The following MCF2L2 variants were observed in gnomAD, a reference collection of about 807,000 sequenced individuals.
MCF2L2 encodes probable guanine nucleotide exchange factor MCF2L2.
In MCF2L2, 102 loss-of-function variants were observed where a neutral mutation model predicts 150.2. That is an observed-to-expected ratio of 0.68 (90% CI 0.58 to 0.80). The LOEUF (loss-of-function observed/expected upper bound fraction) is 0.80, where lower values mean the gene tolerates loss of function less well. Ranked by LOEUF, MCF2L2 falls within the 30% of genes least tolerant of loss-of-function variation. The probability of loss-of-function intolerance (pLI) is 0.00; values close to 1 mark genes in which losing one functional copy is unlikely to be tolerated. For synonymous variants in MCF2L2, 465 were observed against 491.3 expected, an observed-to-expected ratio of 0.95 and a Z score of 0.71; for missense variants, 1,256 against 1,372.8, an observed-to-expected ratio of 0.91 and a Z score of 1.34.
At chr3:183,195,938 C>G (rs1722068550) in intron 25 of MCF2L2, among the ~76,000 whole-genome samples, 1 of 152,184 alleles carries the variant, frequency 6.6e-6, no homozygotes, top group Non-Finnish European at 1.5e-5. Flanking sequence ...AGGATGGGAC[C>G]GTGGCCTTGA....
At chr3:183,360,727 T>C (rs1712082267) in intron 3 of MCF2L2, among the ~76,000 whole-genome samples, 1 of 152,066 alleles carries the variant, frequency 6.6e-6, no homozygotes, top group Admixed American at 6.6e-5. Flanking sequence ...CCCAGCACTT[T>C]GGGAGGCTGA....
intron 13 of MCF2L2, among the ~76,000 whole-genome samples, chr3:183,292,052 T>C (rs770872054): frequency 6.6e-6 from 1 of 151,666 alleles, no homozygotes; most frequent in Non-Finnish European, 1.5e-5. Context: ...GTCTGTGGTA[T>C]GTGTGTGCAA....
rs1723080060 is a variant in MCF2L2 at position 183,219,850 on chromosome 3, G to A, written c.2370+6C>T. On this transcript the variant is annotated splice_donor_region_variant and intron_variant, in intron 21 of 29. Transcript: ENST00000328913. ...TATATAAAATGTAATATTTAATATT[G>A]AGTACCTTAGCCGAGCCTCCTAGTT... 6.3e-7 allele frequency: 1 copy of A among 1,591,952 alleles called. No homozygotes were observed. The highest frequency in any genetic ancestry group is 8.6e-7 in the Non-Finnish European group (1 of 1,160,202).
Position 183,206,155 on chromosome 3 carries a change from G to T in MCF2L2, c.2772C>A (p.Ala924=), listed in dbSNP as rs140907028. The T allele has an allele frequency of 3.1e-6, 5 of 1,614,028 alleles. No homozygotes were observed. In the African/African-American group the frequency reaches 6.7e-5, roughly 22 times the overall value. ...GRGSHRKFEI[A]SRNGLEKYIL... Reference sequence around the variant, plus strand: ...TGTATTTCTCAAGTCCATTTCGACTGGCAATCTCAAACTTTCTATGGCTCC... The same window carrying T: ...TGTATTTCTCAAGTCCATTTCGACTTGCAATCTCAAACTTTCTATGGCTCC... The change falls in exon 24 of 30, where the codon GCC becomes GCA. Residue 924 remains alanine, a synonymous_variant. Coordinates refer to ENST00000328913, the MANE Select transcript of MCF2L2 (RefSeq NM_015078.4).
At chr3:183,330,089 A>G (rs1413286500) in intron 5 of MCF2L2, among the ~76,000 whole-genome samples, 2 of 151,594 alleles carry the variant, frequency 1.3e-5, no homozygotes, top group African/African-American at 4.9e-5. Flanking sequence ...TAAATTAAAA[A>G]AAAAAATCAG....
At chr3:183,427,868 A>C in intron 1 of MCF2L2, 34 bp downstream of exon 1, 1 of 1,588,348 alleles carries the variant, frequency 6.3e-7, no homozygotes, top group Non-Finnish European at 8.6e-7. Flanking sequence ...ACCCGCCATT[A>C]ATAAAACGCA....
chr3:183,329,762 T>C (rs1730192204), intron 5 of MCF2L2, among the ~76,000 whole-genome samples: 1 of 152,234 alleles, frequency 6.6e-6, no homozygotes, highest in African/African-American at 2.4e-5. Flanking sequence ...GGCAATTTTG[T>C]TGCTATTCAG....
intron 3 of MCF2L2, among the ~76,000 whole-genome samples, chr3:183,353,503 A>G (rs1711592070): frequency 6.6e-6 from 1 of 152,188 alleles, no homozygotes; most frequent in Non-Finnish European, 1.5e-5. Context: ...TGCAGGCTAT[A>G]TGGGAAGCAT....
At chr3:183,427,431 G>T (rs1341862861) in intron 1 of MCF2L2, among the ~76,000 whole-genome samples, 1 of 152,240 alleles carries the variant, frequency 6.6e-6, no homozygotes, top group Non-Finnish European at 1.5e-5. Flanking sequence ...GCCGAGCTGC[G>T]CAGGGGCGCT....
At chr3:183,266,691 T>C (rs753026214) in intron 15 of MCF2L2, among the ~76,000 whole-genome samples, 1 of 152,172 alleles carries the variant, frequency 6.6e-6, no homozygotes, top group African/African-American at 2.4e-5. Context: ...TTCTGACGTC[T>C]TTCTCACCTT....
chr3:183,192,007 A>AT lies in MCF2L2; in HGVS notation c.3016+991dup, dbSNP rs768700058. ...AGGCGCCCACCACCAAGCGCAGCTAATTTTTTTTTTTTTTTGTATTTTTAG... is the reference window on the plus strand; with the variant it reads ...AGGCGCCCACCACCAAGCGCAGCTAATTTTTTTTTTTTTTTTGTATTTTTAG... On this transcript the variant is annotated intron_variant, in intron 27 of 29. Coordinates refer to ENST00000328913, the MANE Select transcript of MCF2L2 (RefSeq NM_015078.4). Among the ~76,000 whole-genome samples the AT allele has an allele frequency of 9.5e-3, 1,296 of 137,098 alleles. 11 individuals carry two copies. The highest frequency in any genetic ancestry group is 0.038 in the East Asian group (181 of 4,726). The allele number at this position is 137,098 out of a possible 152,430, so 89.9% of individuals were successfully genotyped here. A position where few individuals can be genotyped will look rare whatever the true frequency, so the allele number is the denominator to read the frequency against.
chr3:183,406,598 C>G (rs1715056540), intron 1 of MCF2L2, among the ~76,000 whole-genome samples: 1 of 152,154 alleles, frequency 6.6e-6, no homozygotes, highest in South Asian at 2.1e-4. Context: ...AAGCGATTCT[C>G]CTGCCTCAGC....
rs749660968 is a variant in MCF2L2 at position 183,179,587 on chromosome 3, C to T, written c.3211G>A (p.Glu1071Lys). 4.3e-6 allele frequency: 7 copies of T among 1,614,156 alleles called. No individual in the cohort carries two copies. The South Asian group carries it at 6.6e-5, about 15-fold the overall frequency. The change falls in exon 29 of 30, where the codon GAG becomes AAG. Residue 1071 changes from glutamate to lysine, a missense_variant. By Grantham distance (56) the Glu-to-Lys change is moderately conservative. Coordinates refer to ENST00000328913, the MANE Select transcript of MCF2L2 (RefSeq NM_015078.4). This position sits in a 1 kb window ranked among gnomAD's most constrained non-coding sequence, Gnocchi z 4.2. The part of the protein sequence containing the change: ...SSQGEKEERD[E>K]EETATRSTEE... ...CTCGCTCACACTCACGTTTCCTCCT[C>T]ATCGCGTTCTTCTTTTTCTCCCTGG...
chr3:183,251,020 C>T (rs1026645079), intron 15 of MCF2L2, among the ~76,000 whole-genome samples: 1 of 152,206 alleles, frequency 6.6e-6, no homozygotes, highest in Non-Finnish European at 1.5e-5. Context: ...ACTGTGGGCA[C>T]AGAGAAGTTT....
intron 27 of MCF2L2, among the ~76,000 whole-genome samples, chr3:183,186,222 A>G (rs1425559266): frequency 6.6e-6 from 1 of 151,968 alleles, no homozygotes; most frequent in Non-Finnish European, 1.5e-5. Flanking sequence ...ATATAAGGTC[A>G]CCCCAATTTT....
chr3:183,322,938 T>C (rs6773145), intron 6 of MCF2L2, among the ~76,000 whole-genome samples: 21,926 of 152,106 alleles, frequency 0.14, 1,743 homozygotes, highest in African/African-American at 0.2. Context: ...AGTAAATTAG[T>C]TTCTCTGAGG....
At chr3:183,212,047 G>A (rs1023669874) in intron 22 of MCF2L2, among the ~76,000 whole-genome samples, 8 of 152,234 alleles carry the variant, frequency 5.3e-5, no homozygotes, top group Admixed American at 2.0e-4. Flanking sequence ...AAATGGAGAC[G>A]CACGCTGAGG....
chr3:183,275,601 G>A (rs898248862), intron 15 of MCF2L2, among the ~76,000 whole-genome samples: 5 of 152,068 alleles, frequency 3.3e-5, no homozygotes, highest in South Asian at 2.1e-4. Context: ...TCTGCCATAC[G>A]TTTTTTGTTT....
Position 183,192,981 on chromosome 3 carries a change from C to G in MCF2L2, c.3016+18G>C, listed in dbSNP as rs771896511. On this transcript the variant is annotated intron_variant, in intron 27 of 29. Transcript: ENST00000328913. ...CCCACTGCTTCTGTGCTCCACTCTC[C>G]CATGGGACCCTCCCTACCTTTAATC... is the stretch of plus-strand genomic sequence containing the variant. 6.2e-7 allele frequency: 1 copy of G among 1,603,134 alleles called. No homozygotes were observed.
Sources: gnomAD v4.1 joint callset for allele counts (sites outside exome capture counted in the v4.1 genomes callset) on GRCh38, gnomAD v4.1.1 for gene constraint, Gnocchi (gnomAD v3.1) non-coding constraint, MANE v1.5 for transcripts, NCBI Gene and HGNC (gene_info 2026-07-23, HGNC 2026-07-21) for gene names.